VMP1: variants seen among roughly 807,000 people sequenced by gnomAD.
VMP1 encodes the protein ectopic P-granules autophagy protein 3 homolog.
In VMP1, 11 loss-of-function variants were observed where a neutral mutation model predicts 56.0. The ratio of observed to expected loss-of-function variants is 0.20; its 90% CI spans 0.12 to 0.32. The LOEUF is 0.32. VMP1 is among the 10% of genes least tolerant of loss of function. The pLI is 1.00. For synonymous variants in VMP1, 149 were observed against 165.0 expected, an observed-to-expected ratio of 0.90 and a Z score of 0.74; for missense variants, 296 against 490.3, an observed-to-expected ratio of 0.60 and a Z score of 3.74.
intron 8 of VMP1, among the ~76,000 whole-genome samples, chr17:59,809,862 T>G (rs2037995312): frequency 6.6e-6 from 1 of 152,168 alleles, no homozygotes. Flanking sequence ...TCTTGTTTAT[T>G]GGCTTTTAAG....
intron 6 of VMP1, among the ~76,000 whole-genome samples, chr17:59,765,399 G>A (rs1443141867): frequency 1.3e-5 from 2 of 152,178 alleles, no homozygotes; most frequent in African/African-American, 4.8e-5. Context: ...TACAGATGAT[G>A]GAACCACAGT....
At chr17:59,715,410 T>C (rs2034113018) in intron 1 of VMP1, among the ~76,000 whole-genome samples, 1 of 152,104 alleles carries the variant, frequency 6.6e-6, no homozygotes, top group African/African-American at 2.4e-5. Context: ...GAGAAAATAG[T>C]GTGAAGGAGG....
At chr17:59,778,012 C>T (rs2036686343) in intron 7 of VMP1, among the ~76,000 whole-genome samples, 1 of 152,198 alleles carries the variant, frequency 6.6e-6, no homozygotes, top group East Asian at 1.9e-4. Flanking sequence ...CTATGCCCAT[C>T]CTTTTAATTT....
intron 10 of VMP1, among the ~76,000 whole-genome samples, chr17:59,821,001 C>T (rs1391330758): frequency 6.9e-6 from 1 of 144,020 alleles, no homozygotes; most frequent in African/African-American, 2.6e-5. Context: ...GACGGAGTCT[C>T]ACTGTGTCGC....
At chr17:59,823,983 G>A (rs930959854) in intron 10 of VMP1, among the ~76,000 whole-genome samples, 1 of 152,178 alleles carries the variant, frequency 6.6e-6, no homozygotes, top group East Asian at 1.9e-4. Flanking sequence ...TGAATCCCGG[G>A]CCGGGCGCAG....
chr17:59,822,016 T>C (rs1408654398), intron 10 of VMP1, among the ~76,000 whole-genome samples: 1 of 152,036 alleles, frequency 6.6e-6, no homozygotes, highest in African/African-American at 2.4e-5. Context: ...CTAATTTTTA[T>C]ATTTTTAGTA....
At chr17:59,744,843 C>G (rs1193151132) in intron 5 of VMP1, among the ~76,000 whole-genome samples, 3 of 151,380 alleles carry the variant, frequency 2.0e-5, no homozygotes, top group Non-Finnish European at 4.4e-5. Context: ...TTAGGATCCC[C>G]TGGGTTTAAC....
chr17:59,810,608 A>G (rs139969211), intron 8 of VMP1, among the ~76,000 whole-genome samples: 110 of 152,310 alleles, frequency 7.2e-4, no homozygotes, highest in African/African-American at 2.4e-3. Flanking sequence ...ATATTATTAT[A>G]TGGTTGTAAG....
chr17:59,794,316 G>A (rs887569143), intron 7 of VMP1, among the ~76,000 whole-genome samples: 13 of 139,852 alleles, frequency 9.3e-5, no homozygotes, highest in Non-Finnish European at 1.8e-4. Context: ...TCTGCCTCCC[G>A]GGTTCAAGCA....
chr17:59,771,647 C>T (rs1433806747), intron 6 of VMP1, among the ~76,000 whole-genome samples: 1 of 141,196 alleles, frequency 7.1e-6, no homozygotes, highest in African/African-American at 2.6e-5. Context: ...TCACCTGTCA[C>T]CCAAGCTGGA....
At chr17:59,799,880 T>C (rs1041730126) in intron 7 of VMP1, among the ~76,000 whole-genome samples, 3 of 150,366 alleles carry the variant, frequency 2.0e-5, no homozygotes, top group African/African-American at 7.4e-5. Flanking sequence ...GGAGAATCAC[T>C]TGAACCCGGG....
At chr17:59,715,555 A>G (rs1315882835) in intron 1 of VMP1, among the ~76,000 whole-genome samples, 1 of 152,194 alleles carries the variant, frequency 6.6e-6, no homozygotes, top group Non-Finnish European at 1.5e-5. Context: ...CTCCCTGGAC[A>G]CATCGGGATT....
chr17:59,795,870 T>C (rs1018716993), intron 7 of VMP1, among the ~76,000 whole-genome samples: 1 of 152,160 alleles, frequency 6.6e-6, no homozygotes, highest in Non-Finnish European at 1.5e-5. Flanking sequence ...TTTTGTCTCA[T>C]ACTCAGTTTT....
intron 7 of VMP1, among the ~76,000 whole-genome samples, chr17:59,776,341 T>C (rs2777891): frequency 0.86 from 131,696 of 152,262 alleles, 57,157 homozygotes; most frequent in East Asian, 0.96. Flanking sequence ...GAGCCATGAA[T>C]ATCTGCTCTT....
intron 10 of VMP1, among the ~76,000 whole-genome samples, chr17:59,835,908 G>A (rs552591839): frequency 1.3e-5 from 2 of 148,436 alleles, no homozygotes; most frequent in Non-Finnish European, 3.0e-5. Context: ...TTATATATTT[G>A]TTATATTCAT....
At position 59,716,676 on chromosome 17, in the gene VMP1, A is replaced by C. The variant is rs140895724; in HGVS notation, c.-27+8928A>C. Among the ~76,000 whole-genome samples the C allele has an allele frequency of 1.4e-3, 220 of 152,358 alleles. 6 individuals carry two copies. The highest frequency in any genetic ancestry group is 0.01 in the Admixed American group (153 of 15,300). Reference sequence around the variant, plus strand: ...AAGGATAAAAATAACAGTCCCTTACAGATGGCTGTTAGCATTATGTTTGTT... The same window carrying C: ...AAGGATAAAAATAACAGTCCCTTACCGATGGCTGTTAGCATTATGTTTGTT... On this transcript the variant is annotated intron_variant, in intron 1 of 11. Coordinates refer to ENST00000262291, the MANE Select transcript of VMP1 (RefSeq NM_030938.5).
chr17:59,794,658 C>T (rs1377710841), intron 7 of VMP1, among the ~76,000 whole-genome samples: 2 of 147,494 alleles, frequency 1.4e-5, no homozygotes, highest in Non-Finnish European at 3.0e-5. Flanking sequence ...GGCGAGAGAG[C>T]ACTGTATGTT....
At chr17:59,808,932 T>C in intron 8 of VMP1, 56 bp downstream of exon 8, 1 of 1,459,058 alleles carries the variant, frequency 6.9e-7, no homozygotes, top group Non-Finnish European at 9.6e-7. Flanking sequence ...TATATTTTGA[T>C]CCATATATAC....
At chr17:59,769,215 G>A (rs987185457) in intron 6 of VMP1, among the ~76,000 whole-genome samples, 2 of 149,642 alleles carry the variant, frequency 1.3e-5, no homozygotes, top group Non-Finnish European at 3.0e-5. Context: ...GAGTGCAATG[G>A]CACAATCTCA....
Sources: gnomAD v4.1 joint callset for allele counts (sites outside exome capture counted in the v4.1 genomes callset) on GRCh38, gnomAD v4.1.1 for gene constraint, MANE v1.5 for transcripts, NCBI Gene and HGNC (gene_info 2026-07-23, HGNC 2026-07-21) for gene names.